EPHX2: variants seen among roughly 807,000 people sequenced by gnomAD.
The protein encoded by EPHX2 is epoxide hydrolase 2.
A neutral mutation model predicts 78.7 loss-of-function variants in EPHX2; 74 were observed. That is an observed-to-expected ratio of 0.94 (90% CI 0.78 to 1.14). The LOEUF (loss-of-function observed/expected upper bound fraction) is 1.14, where lower values mean the gene tolerates loss of function less well. Ranked by LOEUF, EPHX2 falls within the 50% of genes most tolerant of loss-of-function variation. The probability of loss-of-function intolerance (pLI) is 0.00; values close to 1 mark genes in which losing one functional copy is unlikely to be tolerated. For synonymous variants in EPHX2, 251 were observed against 255.2 expected (o/e 0.98, Z 0.16); for missense variants, 715 against 702.5 (o/e 1.02, Z -0.20).
intron 13 of EPHX2, among the ~76,000 whole-genome samples, 197 bp downstream of exon 13, chr8:27,537,052 A>G (rs984949853): frequency 2.0e-5 from 3 of 152,230 alleles, no homozygotes; most frequent in Non-Finnish European, 4.4e-5. Flanking sequence ...AATGATTATA[A>G]TAATGATGGC....
At chr8:27,547,904 T>A (rs532622957), downstream of EPHX2, among the ~76,000 whole-genome samples, 7 of 152,240 alleles carry the variant, frequency 4.6e-5, no homozygotes, top group Non-Finnish European at 1.0e-4. Context: ...TTTTTGTGGC[T>A]GAATAGTAAA....
At chr8:27,495,110 C>T (rs745402064) in intron 1 of EPHX2, among the ~76,000 whole-genome samples, 6 of 152,342 alleles carry the variant, frequency 3.9e-5, no homozygotes, top group South Asian at 2.1e-4. Context: ...TTTTGCACTG[C>T]GTGCAATAAC....
rs754657097 is a variant in EPHX2 at position 27,500,992 on chromosome 8, A to G, written c.168A>G (p.Gly56=). 6.8e-6 allele frequency: 11 copies of G among 1,613,304 alleles called. No homozygotes were observed. The highest frequency in any genetic ancestry group is 9.3e-6 in the Non-Finnish European group (11 of 1,179,662). ...PEGATTRLMK[G]EITLSQWIPL... is the part of the protein sequence containing the mutation. ...GTGCCACTACCCGGCTTATGAAAGG[A>G]GAGATCACACTTTCCCAGGTGAGGG... is the stretch of plus-strand genomic sequence containing the variant. The change falls in exon 2 of 19, where the codon GGA becomes GGG. Residue 56 remains glycine (G), a synonymous_variant. Coordinates refer to ENST00000521400, the MANE Select transcript of EPHX2 (RefSeq NM_001979.6).
At chr8:27,500,603 G>A (rs1813728169) in intron 1 of EPHX2, among the ~76,000 whole-genome samples, 1 of 152,190 alleles carries the variant, frequency 6.6e-6, no homozygotes, top group African/African-American at 2.4e-5. Context: ...TGCACACGAG[G>A]ACAGTAATGG....
At chr8:27,524,769 C>T (rs373832202) in intron 11 of EPHX2, among the ~76,000 whole-genome samples, 1 of 152,190 alleles carries the variant, frequency 6.6e-6, no homozygotes, top group East Asian at 1.9e-4. Context: ...AATTCCTTAT[C>T]TCCTTCCAAC....
intron 13 of EPHX2, among the ~76,000 whole-genome samples, chr8:27,537,360 T>C (rs1815246931): frequency 6.6e-6 from 1 of 152,252 alleles, no homozygotes; most frequent in African/African-American, 2.4e-5. Flanking sequence ...TCCCCTTTAG[T>C]AGTTCTCTCA....
At chr8:27,514,234 G>C (rs1333442137) in intron 6 of EPHX2, among the ~76,000 whole-genome samples, 1 of 152,068 alleles carries the variant, frequency 6.6e-6, no homozygotes, top group Non-Finnish European at 1.5e-5. Flanking sequence ...TAGAGCCCAG[G>C]AGTTTGAGGC....
At chr8:27,493,233 G>C (rs1280119724) in intron 1 of EPHX2, 1 of 154,086 alleles carries the variant, frequency 6.5e-6, no homozygotes, top group Non-Finnish European at 1.4e-5. Context: ...CAACTCCAGA[G>C]GTTGGTATAA....
intron 12 of EPHX2, among the ~76,000 whole-genome samples, chr8:27,534,976 T>C (rs752323722): frequency 6.6e-6 from 1 of 152,124 alleles, no homozygotes; most frequent in Non-Finnish European, 1.5e-5. Context: ...GGTCACAATG[T>C]GTTAAACCAG....
intron 13 of EPHX2, among the ~76,000 whole-genome samples, chr8:27,537,497 T>C (rs1815250836): frequency 6.6e-6 from 1 of 152,252 alleles, no homozygotes; most frequent in Admixed American, 6.5e-5. Context: ...TGTCATTGCT[T>C]GTGAGTCAGC....
intron 1 of EPHX2, 56 bp downstream of exon 1, chr8:27,491,365 C>T (rs1813372030): frequency 3.1e-6 from 4 of 1,297,622 alleles, no homozygotes; most frequent in Non-Finnish European, 3.0e-6. Flanking sequence ...AGGCAGACCG[C>T]GCTGGGCTTG....
At chr8:27,522,321 G>A in intron 10 of EPHX2, 102 bp from the exon 11 acceptor site, 1 of 1,070,568 alleles carries the variant, frequency 9.3e-7, no homozygotes, top group South Asian at 1.4e-5. Context: ...GTGGGTCGGG[G>A]GAGGAGACCC....
rs1165696847 is a variant in EPHX2, at chr8:27,505,095, A to G, written c.486A>G (p.Glu162=). The G allele has an allele frequency of 6.2e-7, 1 of 1,614,012 alleles. No individual in the cohort carries two copies. The highest frequency in any genetic ancestry group is 1.7e-5 in the Admixed American group (1 of 60,004). ...GTCAGGTGGGAATGGTCAAACCTGA[A>G]CCTCAGATCTACAAGTTTCTGCTGG... The part of the protein sequence containing the change: ...ESCQVGMVKP[E]PQIYKFLLDT... Residue 162 remains glutamate (E), a synonymous_variant, in exon 4 of 19, where the codon GAA becomes GAG. Coordinates refer to ENST00000521400, the MANE Select transcript of EPHX2 (RefSeq NM_001979.6).
intron 6 of EPHX2, among the ~76,000 whole-genome samples, chr8:27,513,847 A>G (rs371087007): frequency 1.1e-4 from 17 of 152,332 alleles, no homozygotes; most frequent in African/African-American, 3.8e-4. Flanking sequence ...TTGATCAGAC[A>G]TAAGTGTGAA....
Position 27,491,320 on chromosome 8 carries a change from C to A in EPHX2, c.101+11C>A, listed in dbSNP as rs1316746227. The A allele has an allele frequency of 2.7e-6, 4 of 1,472,952 alleles. No individual in the cohort carries two copies. The highest frequency in any genetic ancestry group is 2.7e-6 in the Non-Finnish European group (3 of 1,123,392). The allele number at this position is 1,472,952 out of a possible 1,614,324, so 91.2% of individuals were successfully genotyped here. Reference sequence around the variant, plus strand: ...CCTGGCGCTGCCCAGGTAAGGGGGCCCAGCGCCGCCGCCGCAGTGGGTCGG... The same window carrying A: ...CCTGGCGCTGCCCAGGTAAGGGGGCACAGCGCCGCCGCCGCAGTGGGTCGG... On this transcript the variant is annotated intron_variant, in intron 1 of 18. Transcript: ENST00000521400.
chr8:27,525,756 A>C (rs1445151133), intron 12 of EPHX2, among the ~76,000 whole-genome samples: 1 of 152,134 alleles, frequency 6.6e-6, no homozygotes, highest in African/African-American at 2.4e-5. Context: ...TTTGGGGCTC[A>C]ATGCTCAGGT....
chr8:27,491,343 C>T, intron 1 of EPHX2, 34 bp downstream of exon 1: 1 of 1,423,450 alleles, frequency 7.0e-7, no homozygotes, highest in Non-Finnish European at 9.2e-7. Flanking sequence ...CGCAGTGGGT[C>T]GGGGCCTCAG....
intron 3 of EPHX2, among the ~76,000 whole-genome samples, chr8:27,504,574 C>T (rs1054357746): frequency 6.6e-6 from 1 of 152,154 alleles, no homozygotes; most frequent in African/African-American, 2.4e-5. Flanking sequence ...CTGGGCAGCT[C>T]GTAACTTGTC....
At chr8:27,534,204 C>T (rs187963007) in intron 12 of EPHX2, among the ~76,000 whole-genome samples, 69 of 152,276 alleles carry the variant, frequency 4.5e-4, no homozygotes, top group African/African-American at 1.4e-3. Context: ...TCTTACAAAA[C>T]GGAGGGAACT....
Sources: allele counts gnomAD v4.1 joint callset (sites outside exome capture counted in the v4.1 genomes callset), GRCh38; gene constraint gnomAD v4.1.1; transcripts MANE v1.5; gene names NCBI Gene and HGNC (gene_info 2026-07-23, HGNC 2026-07-21).